Variants in TTC23 observed in about 807,000 individuals in gnomAD.
TTC23 encodes the protein tetratricopeptide repeat protein 23.
Under a neutral mutation model 55.1 loss-of-function variants are expected in TTC23, and 58 were observed. The ratio of observed to expected loss-of-function variants is 1.05; its 90% CI spans 0.85 to 1.31. The LOEUF is 1.31. TTC23 is among the 50% of genes most tolerant of loss of function. The pLI, the probability that TTC23 is intolerant of heterozygous loss-of-function variation, is 0.00. For missense variants in TTC23, 516 were observed against 534.4 expected (o/e 0.97, Z 0.34); for synonymous variants, 203 against 199.9 (o/e 1.02, Z -0.13).
intron 1 of TTC23, among the ~76,000 whole-genome samples, chr15:99,246,658 T>C (rs534379600): frequency 2.6e-4 from 39 of 147,896 alleles, no homozygotes; most frequent in African/African-American, 8.7e-4. Context: ...CGATGGCTCA[T>C]GCCTGTAATC....
At chr15:99,224,353 G>T (rs961423006) in intron 5 of TTC23, among the ~76,000 whole-genome samples, 5 of 152,108 alleles carry the variant, frequency 3.3e-5, no homozygotes, top group African/African-American at 4.8e-5. Context: ...CTTTATTTTT[G>T]TGAATCTATC....
intron 3 of TTC23, among the ~76,000 whole-genome samples, chr15:99,240,067 G>A: frequency 6.6e-6 from 1 of 152,156 alleles, no homozygotes. Context: ...TGTTGCTTTG[G>A]AAACCTAAGC....
At chr15:99,171,968 C>A (rs1246626965) in intron 10 of TTC23, among the ~76,000 whole-genome samples, 1 of 152,114 alleles carries the variant, frequency 6.6e-6, no homozygotes, top group Non-Finnish European at 1.5e-5. Context: ...AGTCCCAACT[C>A]CTTGTGCCTG....
chr15:99,143,650 C>A (rs893282324), intron 12 of TTC23, among the ~76,000 whole-genome samples: 9 of 152,244 alleles, frequency 5.9e-5, no homozygotes, highest in African/African-American at 2.2e-4. Flanking sequence ...TGCTCTTATT[C>A]TCTTTGATTT....
At chr15:99,246,892 A>G (rs1260026525) in intron 1 of TTC23, among the ~76,000 whole-genome samples, 1 of 152,220 alleles carries the variant, frequency 6.6e-6, no homozygotes, top group Non-Finnish European at 1.5e-5. Flanking sequence ...TCTGCACTCC[A>G]GCCTGAGCGA....
chr15:99,219,095 G>A (rs2077703779), intron 6 of TTC23, 47 bp from the exon 7 acceptor site: 1 of 1,602,220 alleles, frequency 6.2e-7, no homozygotes, highest in Non-Finnish European at 8.5e-7. Flanking sequence ...CATCTCAACT[G>A]GACAGGAATA....
intron 9 of TTC23, among the ~76,000 whole-genome samples, chr15:99,192,692 T>C (rs563949464): frequency 1.6e-3 from 237 of 152,092 alleles, no homozygotes; most frequent in African/African-American, 5.4e-3. Context: ...AAATGTGGGG[T>C]GGGAGCCACC....
At chr15:99,140,801 T>A (rs2068138470) in intron 12 of TTC23, 1 of 152,158 alleles carries the variant, frequency 6.6e-6, no homozygotes. Context: ...ATAAGCAAAG[T>A]AGAAAGACAA....
chr15:99,221,992 AC>A, intron 5 of TTC23, 128 bp from the exon 6 acceptor site: 1 of 1,054,322 alleles, frequency 9.5e-7, no homozygotes, highest in Non-Finnish European at 1.3e-6. Flanking sequence ...TGTTCTAAGC[AC>A]TTGAGATGTA....
At chr15:99,247,714 C>A (rs1312299060) in intron 1 of TTC23, among the ~76,000 whole-genome samples, 1 of 124,572 alleles carries the variant, frequency 8.0e-6, no homozygotes. Context: ...GACTTGCCTG[C>A]AAATGGGCAC....
At chr15:99,145,570 G>C (rs1485069174) in intron 12 of TTC23, among the ~76,000 whole-genome samples, 1 of 151,814 alleles carries the variant, frequency 6.6e-6, no homozygotes, top group Admixed American at 6.6e-5. Context: ...TGGTGGGGAT[G>C]GGGGGAGGTG....
At chr15:99,155,901 G>A (rs183369634) in intron 12 of TTC23, 9 of 543,892 alleles carry the variant, frequency 1.7e-5, no homozygotes, top group African/African-American at 5.6e-5. Context: ...ATTGTACTAC[G>A]TAAAAAATTA....
chr15:99,244,673 T>G (rs999524008), intron 2 of TTC23, among the ~76,000 whole-genome samples: 1 of 152,140 alleles, frequency 6.6e-6, no homozygotes, highest in African/African-American at 2.4e-5. Context: ...GTTCATAGAT[T>G]AAAAGCCTCA....
At chr15:99,149,255 G>A (rs72756853) in intron 12 of TTC23, among the ~76,000 whole-genome samples, 3,642 of 152,340 alleles carry the variant, frequency 0.024, 58 homozygotes, top group South Asian at 0.044. Context: ...GTGGAGGAGT[G>A]GAGATCAGAA....
chr15:99,246,675 C>T (rs1297139314), intron 1 of TTC23, among the ~76,000 whole-genome samples: 1 of 152,048 alleles, frequency 6.6e-6, no homozygotes, highest in African/African-American at 2.4e-5. Context: ...AATCCCAGCA[C>T]TTTGGGAGGC....
chr15:99,189,248 T>G (rs1221787990), intron 9 of TTC23, among the ~76,000 whole-genome samples: 4 of 151,998 alleles, frequency 2.6e-5, no homozygotes, highest in Non-Finnish European at 1.5e-5. Flanking sequence ...AATAAATAAC[T>G]TGGTAGGGAA....
At position 99,213,207 on chromosome 15, in the gene TTC23, A is replaced by G. The variant is rs534251818; in HGVS notation, c.581+5381T>C. Among the ~76,000 whole-genome samples, 25 of 152,366 alleles carry G rather than the reference A, an allele frequency of 1.6e-4. 1 individual carries two copies. The highest frequency in any genetic ancestry group is 3.4e-3 in the Middle Eastern group (1 of 294). On this transcript the variant is annotated intron_variant, in intron 8 of 13. Transcript: ENST00000394132. ...GGAAATGAAGCAAAGTAATTGAATG[A>G]AAATTATACAGTTTAAACATGCACA...
At chr15:99,209,640 T>A (rs1324809015) in intron 8 of TTC23, among the ~76,000 whole-genome samples, 1 of 152,178 alleles carries the variant, frequency 6.6e-6, no homozygotes, top group Non-Finnish European at 1.5e-5. Flanking sequence ...CAGAGAGGAC[T>A]AAGAATGAAA....
intron 9 of TTC23, among the ~76,000 whole-genome samples, chr15:99,197,172 A>G (rs373746811): frequency 1.2e-4 from 18 of 149,952 alleles, no homozygotes; most frequent in Non-Finnish European, 2.1e-4. Context: ...GCGCGATCTC[A>G]GCTCACTGCA....
Sources: gnomAD v4.1 joint callset for allele counts (sites outside exome capture counted in the v4.1 genomes callset) on GRCh38, gnomAD v4.1.1 for gene constraint, MANE v1.5 for transcripts, NCBI Gene and HGNC (gene_info 2026-07-23, HGNC 2026-07-21) for gene names.